The following CFAP58 variants were observed in gnomAD, a reference collection of about 807,000 sequenced individuals.
CFAP58 encodes the protein cilia- and flagella-associated protein 58.
CFAP58 carries 88 observed loss-of-function variants against 119.5 expected under a neutral mutation model. The observed-to-expected ratio is 0.74, with a 90% CI of 0.62 to 0.88. The LOEUF (loss-of-function observed/expected upper bound fraction) is 0.88. CFAP58 is among the 40% of genes least tolerant of loss of function. CFAP58 has a pLI of 0.00. For synonymous variants in CFAP58, 365 were observed against 366.3 expected (o/e 1.00, Z 0.04); for missense variants, 990 against 1,021.2 (o/e 0.97, Z 0.42).
At chr10:104,379,119 C>T (rs2011728935) in intron 8 of CFAP58, among the ~76,000 whole-genome samples, 1 of 152,114 alleles carries the variant, frequency 6.6e-6, no homozygotes, top group Admixed American at 6.6e-5. Flanking sequence ...TCTAGTTTGA[C>T]AATCTCGTCC....
chr10:104,392,181 A>G (rs1358741047), intron 9 of CFAP58, 52 bp from the exon 10 acceptor site: 11 of 1,515,308 alleles, frequency 7.3e-6, no homozygotes, highest in Admixed American at 2.0e-5. Context: ...TCCTGAACCA[A>G]TAAGCACAGA....
chr10:104,450,973 AT>A (rs1320198252), intron 17 of CFAP58, among the ~76,000 whole-genome samples: 1 of 134,350 alleles, frequency 7.4e-6, no homozygotes, highest in Admixed American at 7.1e-5. Flanking sequence ...TGAGGTTAAC[AT>A]TTTGGTTTCA....
chr10:104,382,341 T>C (rs911389531), intron 9 of CFAP58: 1 of 571,512 alleles, frequency 1.7e-6, no homozygotes, highest in African/African-American at 1.9e-5. Flanking sequence ...GCAGCAAATA[T>C]ATTTGAACAT....
chr10:104,348,888 C>T (rs560086379), upstream of CFAP58, among the ~76,000 whole-genome samples: 2 of 152,292 alleles, frequency 1.3e-5, no homozygotes, highest in South Asian at 4.1e-4. Flanking sequence ...CAGCAGAGTG[C>T]TGGCTGGTTA....
At chr10:104,381,699 A>T (rs17116977) in intron 9 of CFAP58, among the ~76,000 whole-genome samples, 3,788 of 152,118 alleles carry the variant, frequency 0.025, 178 homozygotes, top group African/African-American at 0.088. Context: ...AGAAAGTGGG[A>T]AACAAACTTT....
intron 6 of CFAP58, 73 bp from the exon 7 acceptor site, chr10:104,370,822 T>G: frequency 2.2e-6 from 3 of 1,361,094 alleles, no homozygotes; most frequent in Non-Finnish European, 3.0e-6. Context: ...TTATTGGTTC[T>G]GAGTTTACCA....
chr10:104,348,079 G>C, the CFAP58 span, among the ~76,000 whole-genome samples: 1 of 151,040 alleles, frequency 6.6e-6, no homozygotes, highest in Admixed American at 6.6e-5. Flanking sequence ...TCTCCACCTT[G>C]ACCCATCAGC....
intron 8 of CFAP58, 49 bp from the exon 9 acceptor site, chr10:104,379,980 A>G: frequency 6.5e-7 from 1 of 1,528,540 alleles, no homozygotes. Context: ...TTAACCCCAA[A>G]TCCTTGAACA....
At chr10:104,355,000 C>T (rs1049695472) in intron 1 of CFAP58, among the ~76,000 whole-genome samples, 6 of 152,100 alleles carry the variant, frequency 3.9e-5, no homozygotes, top group South Asian at 2.1e-4. Context: ...TTATAAATTC[C>T]GTCTTCCCGT....
chr10:104,360,192 G>C (rs1037365738), intron 2 of CFAP58, among the ~76,000 whole-genome samples: 2 of 152,126 alleles, frequency 1.3e-5, no homozygotes, highest in African/African-American at 2.4e-5. Context: ...CATTCTACTC[G>C]ACAGAATTTT....
At chr10:104,401,993 T>C (rs1044866046) in intron 13 of CFAP58, among the ~76,000 whole-genome samples, 3 of 152,252 alleles carry the variant, frequency 2.0e-5, no homozygotes, top group African/African-American at 7.2e-5. Context: ...GTTATTTTTA[T>C]TACATACACA....
the CFAP58 span, among the ~76,000 whole-genome samples, chr10:104,339,787 T>C: frequency 6.6e-6 from 1 of 152,124 alleles, no homozygotes; most frequent in Non-Finnish European, 1.5e-5. Flanking sequence ...TGGGGGCCAG[T>C]ATGTGTGTTG....
At chr10:104,425,259 A>G (rs1406855178) in intron 15 of CFAP58, among the ~76,000 whole-genome samples, 1 of 152,234 alleles carries the variant, frequency 6.6e-6, no homozygotes, top group Admixed American at 6.5e-5. Flanking sequence ...AACAAATGAA[A>G]AGGGCATTTC....
chr10:104,365,688 G>T (rs1033372128), intron 4 of CFAP58, 126 bp from the exon 5 acceptor site: 1 of 727,576 alleles, frequency 1.4e-6, no homozygotes, highest in Non-Finnish European at 2.2e-6. Context: ...TGCCCTATAG[G>T]GGAAATGCTA....
chr10:104,447,899 C>A, intron 16 of CFAP58, 82 bp downstream of exon 16: 1 of 1,447,726 alleles, frequency 6.9e-7, no homozygotes, highest in Non-Finnish European at 9.2e-7. Flanking sequence ...ACTGACTCCA[C>A]ACAATGAGCC....
the CFAP58 span, among the ~76,000 whole-genome samples, chr10:104,338,758 C>T: frequency 6.6e-6 from 1 of 152,228 alleles, no homozygotes; most frequent in East Asian, 1.9e-4. Context: ...AAGTCCTTAC[C>T]AGTCGGGGAG....
chr10:104,339,623 C>T, the CFAP58 span, among the ~76,000 whole-genome samples: 2 of 152,182 alleles, frequency 1.3e-5, no homozygotes, highest in African/African-American at 4.8e-5. Context: ...TAACACTCGC[C>T]TGGAAGACTT....
intron 8 of CFAP58, 147 bp from the exon 9 acceptor site, chr10:104,379,882 T>C (rs575970263): frequency 4.9e-4 from 365 of 749,514 alleles, no homozygotes; most frequent in Non-Finnish European, 6.9e-4. Context: ...CATAACAAAC[T>C]CTTAATAAGC....
chr10:104,420,849 C>G (rs576479788), intron 15 of CFAP58, among the ~76,000 whole-genome samples: 3 of 149,566 alleles, frequency 2.0e-5, no homozygotes, highest in Admixed American at 6.7e-5. Context: ...AGTTCCTGGG[C>G]TCAGGTGATC....
Sources: gnomAD v4.1 joint callset for allele counts (sites outside exome capture counted in the v4.1 genomes callset) on GRCh38, gnomAD v4.1.1 for gene constraint, MANE v1.5 for transcripts, NCBI Gene and HGNC (gene_info 2026-07-23, HGNC 2026-07-21) for gene names.